RXRA: variants seen among roughly 807,000 people sequenced by gnomAD.
RXRA encodes retinoic acid receptor RXR-alpha.
RXRA carries 5 observed loss-of-function variants against 44.5 expected under a neutral mutation model. That is an observed-to-expected ratio of 0.11 (90% CI 0.06 to 0.24). The LOEUF (loss-of-function observed/expected upper bound fraction) is 0.24, where lower values mean the gene tolerates loss of function less well. Ranked by LOEUF, RXRA falls within the 10% of genes least tolerant of loss-of-function variation. The pLI, the probability that RXRA is intolerant of heterozygous loss-of-function variation, is 1.00. For synonymous variants in RXRA, 291 were observed against 271.4 expected (o/e 1.07, Z -0.71); for missense variants, 412 against 646.5 (o/e 0.64, Z 3.93).
At chr9:134,332,523 AG>A (rs1835021219) in intron 1 of RXRA, among the ~76,000 whole-genome samples, 1 of 78,986 alleles carries the variant, frequency 1.3e-5, no homozygotes, top group Non-Finnish European at 2.5e-5. Flanking sequence ...CCTGTGGAGG[AG>A]GGGTGGGGGA....
intron 1 of RXRA, chr9:134,379,734 T>A: frequency 1.0e-6 from 1 of 985,240 alleles, no homozygotes; most frequent in Non-Finnish European, 1.2e-6. Context: ...GGTTCGTGGG[T>A]CCAGCTCAGC....
chr9:134,338,245 G>C (rs1830036450), intron 1 of RXRA, among the ~76,000 whole-genome samples: 1 of 152,228 alleles, frequency 6.6e-6, no homozygotes, highest in South Asian at 2.1e-4. Context: ...AGGTGTGTGG[G>C]GCACGGCCAT....
chr9:134,405,531 G>C (rs1305592262), intron 2 of RXRA: 1 of 152,346 alleles, frequency 6.6e-6, no homozygotes, highest in East Asian at 1.9e-4. Context: ...TTCCCGGCCA[G>C]GGCTGCTCTG....
chr9:134,432,668 G>A (rs1478904549), intron 8 of RXRA, among the ~76,000 whole-genome samples: 1 of 152,260 alleles, frequency 6.6e-6, no homozygotes, highest in East Asian at 1.9e-4. Context: ...TGCTGGATAG[G>A]GCTTGCCTGC....
At chr9:134,333,083 A>T (rs1554746876) in intron 1 of RXRA, among the ~76,000 whole-genome samples, 1 of 152,116 alleles carries the variant, frequency 6.6e-6, no homozygotes, top group African/African-American at 2.4e-5. Flanking sequence ...GGAGTAGAGC[A>T]GCCGGGCCTC....
chr9:134,411,176 G>A (rs1194094498), intron 4 of RXRA, among the ~76,000 whole-genome samples: 4 of 152,168 alleles, frequency 2.6e-5, no homozygotes, highest in East Asian at 3.9e-4. Flanking sequence ...GCCCCGTCCC[G>A]GACCCTCCAG....
intron 1 of RXRA, among the ~76,000 whole-genome samples, chr9:134,376,124 A>G (rs1830553340): frequency 6.6e-6 from 1 of 152,054 alleles, no homozygotes; most frequent in Non-Finnish European, 1.5e-5. Flanking sequence ...CTTAGGAAGG[A>G]AGGCACCCTC....
In RXRA at chr9:134,438,021, CCT is replaced by C. The variant is rs1447759605; in HGVS notation, c.*1411_*1412del. 6.6e-6 allele frequency: 1 copy of C among 152,584 alleles called. No homozygotes were observed. The highest frequency in any genetic ancestry group is 1.5e-5 in the Non-Finnish European group (1 of 68,198). The allele number at this position is 152,584 out of a possible 1,614,324, so 9.5% of individuals were successfully genotyped here. A position where few individuals can be genotyped will look rare whatever the true frequency, so the allele number is the denominator to read the frequency against. On this transcript the variant is annotated 3_prime_UTR_variant, in exon 10 of 10. Coordinates refer to ENST00000481739, the MANE Select transcript of RXRA (RefSeq NM_002957.6). ...CCCCCGGGCTCCGGTGGTGCGGGGC[CCT>C]CTCAGGTTGAACTCGCCTCTTTTGC...
In RXRA at chr9:134,343,682, G is replaced by C. The variant is rs532465338; in HGVS notation, c.28+17023G>C. Reference sequence around the variant, plus strand: ...TTGCTCAGTGGCCAGAGGAGAGACCGTGTGCACTTGGTGGACTGCCACGGG... The same window carrying C: ...TTGCTCAGTGGCCAGAGGAGAGACCCTGTGCACTTGGTGGACTGCCACGGG... On this transcript the variant is annotated intron_variant, in intron 1 of 9. Coordinates refer to ENST00000481739, the MANE Select transcript of RXRA (RefSeq NM_002957.6). This position sits in a 1 kb window ranked among gnomAD's most constrained non-coding sequence, Gnocchi z 4.1. Among the ~76,000 whole-genome samples the C allele has an allele frequency of 3.9e-5, 6 of 152,138 alleles. No homozygotes were observed. Among genetic ancestry groups the C allele is most frequent in the African/African-American group, 1.4e-4 (6 of 41,424 alleles).
At chr9:134,329,355 C>T (rs781962169) in intron 1 of RXRA, among the ~76,000 whole-genome samples, 11 of 152,236 alleles carry the variant, frequency 7.2e-5, no homozygotes, top group African/African-American at 1.2e-4. Context: ...TCTTTTAGCG[C>T]GGGCGCTGCC....
intron 6 of RXRA, chr9:134,424,594 C>T (rs1337124836): frequency 3.0e-6 from 3 of 985,346 alleles, no homozygotes; most frequent in African/African-American, 1.7e-5. Context: ...CTTGTGTGTT[C>T]TGTCTGCCGG....
intron 1 of RXRA, among the ~76,000 whole-genome samples, chr9:134,346,121 C>A (rs1830148160): frequency 6.6e-6 from 1 of 152,130 alleles, no homozygotes; most frequent in African/African-American, 2.4e-5. Context: ...ACGCAGGGTC[C>A]CTCGGCTCTA....
chr9:134,356,256 T>C (rs1416594068), intron 1 of RXRA, among the ~76,000 whole-genome samples: 1 of 151,752 alleles, frequency 6.6e-6, no homozygotes, highest in Non-Finnish European at 1.5e-5. Flanking sequence ...TAGGTGACTC[T>C]CCCTGGGGGA....
chr9:134,402,615 G>C (rs1830982711), intron 2 of RXRA: 1 of 152,196 alleles, frequency 6.6e-6, no homozygotes, highest in Non-Finnish European at 1.5e-5. Flanking sequence ...TTCTTCCTTG[G>C]AGAAGACACC....
intron 6 of RXRA, chr9:134,422,979 G>A (rs1831372850): frequency 1.0e-6 from 1 of 985,376 alleles, no homozygotes; most frequent in South Asian, 4.7e-5. Context: ...AGAAATGCCT[G>A]CTCCACGCGC....
At chr9:134,333,086 C>T (rs559725365) in intron 1 of RXRA, among the ~76,000 whole-genome samples, 3 of 152,250 alleles carry the variant, frequency 2.0e-5, no homozygotes, top group Admixed American at 2.0e-4. Context: ...GTAGAGCAGC[C>T]GGGCCTCTTG....
Position 134,326,597 on chromosome 9 carries a change from C to T in RXRA, c.-35C>T. On this transcript the variant is annotated 5_prime_UTR_variant, in exon 1 of 10. Transcript: ENST00000481739. ...GGCCGCCGCGCCCGCCGCCCGCTGC[C>T]TGCGCCGCCGGCCGGGCATGAGTTA... 1.1e-6 allele frequency: 1 copy of T among 931,658 alleles called. No individual in the cohort carries two copies. Among genetic ancestry groups the T allele is most frequent in the Non-Finnish European group, 1.3e-6 (1 of 785,878 alleles). 57.7% of individuals were successfully genotyped at this position (931,658 alleles called of 1,614,324 possible). A position where few individuals can be genotyped will look rare whatever the true frequency, so the allele number is the denominator to read the frequency against.
intron 9 of RXRA, 56 bp downstream of exon 9, chr9:134,434,263 C>T: frequency 7.5e-7 from 1 of 1,340,338 alleles, no homozygotes; most frequent in East Asian, 2.3e-5. Flanking sequence ...TCTCCAGAGC[C>T]CCCACCCCCT....
intron 1 of RXRA, among the ~76,000 whole-genome samples, chr9:134,360,377 A>G (rs1830335313): frequency 6.6e-6 from 1 of 152,126 alleles, no homozygotes; most frequent in African/African-American, 2.4e-5. Flanking sequence ...TGCCGTGCCC[A>G]GGCCTGGGCT....
Sources: allele counts gnomAD v4.1 joint callset (sites outside exome capture counted in the v4.1 genomes callset), GRCh38; gene constraint gnomAD v4.1.1; non-coding constraint Gnocchi (gnomAD v3.1); transcripts MANE v1.5; gene names NCBI Gene and HGNC (gene_info 2026-07-23, HGNC 2026-07-21).